Variants in VIPAS39 observed in about 807,000 individuals in gnomAD.
VIPAS39 encodes spermatogenesis-defective protein 39 homolog.
Under a neutral mutation model 84.7 loss-of-function variants are expected in VIPAS39, and 63 were observed. The observed-to-expected ratio is 0.74, with a 90% CI of 0.61 to 0.92. The LOEUF is 0.92. Ranked by LOEUF, VIPAS39 falls within the 40% of genes least tolerant of loss-of-function variation. The pLI, the probability that VIPAS39 is intolerant of heterozygous loss-of-function variation, is 0.00. For missense variants in VIPAS39, 499 were observed against 604.5 expected (o/e 0.83, Z 1.83); for synonymous variants, 192 against 216.5 (o/e 0.89, Z 0.99).
intron 5 of VIPAS39, 26 bp downstream of exon 5, chr14:77,449,688 C>A: frequency 6.2e-7 from 1 of 1,613,944 alleles, no homozygotes; most frequent in Non-Finnish European, 8.5e-7. Context: ...TTTCCCACAG[C>A]AATTAAAAGA....
chr14:77,427,543 A>C lies in VIPAS39; in HGVS notation c.*73T>G. On this transcript the variant is annotated 3_prime_UTR_variant, in exon 20 of 20. Transcript: ENST00000557658. ...AGCGATGTGATGCCGCAGCTCTCCCAAAGAAGAGCTCTCTCTGCTTTCACA... is the reference window on the plus strand; with the variant it reads ...AGCGATGTGATGCCGCAGCTCTCCCCAAGAAGAGCTCTCTCTGCTTTCACA... 2.5e-6 allele frequency: 4 copies of C among 1,589,380 alleles called. No individual in the cohort carries two copies. Among genetic ancestry groups the C allele is most frequent in the Non-Finnish European group, 3.5e-6 (4 of 1,157,566 alleles).
In VIPAS39 at chr14:77,435,223, TGA is replaced by T. The variant is rs1386511886; in HGVS notation, c.1047+34_1047+35del. 7.4e-6 allele frequency: 12 copies of T among 1,613,258 alleles called. No homozygotes were observed. In the African/African-American group the frequency reaches 8.0e-5, roughly 11 times the overall value. On this transcript the variant is annotated intron_variant, in intron 14 of 19. Transcript: ENST00000557658. The stretch of plus-strand genomic sequence containing the variant: ...TTTGAACTATCTTCTTTTTGTGCAA[TGA>T]GAGTTTGTGGAATCTTCCATATTTT...
intron 10 of VIPAS39, among the ~76,000 whole-genome samples, chr14:77,442,150 C>T (rs1251365465): frequency 2.6e-5 from 4 of 152,182 alleles, no homozygotes; most frequent in Admixed American, 6.5e-5. Context: ...TAAGAAAACA[C>T]TTAATAAATA....
chr14:77,429,617 G>A, intron 17 of VIPAS39, 64 bp downstream of exon 17: 1 of 1,534,298 alleles, frequency 6.5e-7, no homozygotes, highest in Non-Finnish European at 9.0e-7. Context: ...TCACTGACCA[G>A]TAAGAGGCTT....
Position 77,435,316 on chromosome 14 carries a change from G to A in VIPAS39, c.990C>T (p.Asn330=), listed in dbSNP as rs980487031. 4 of 1,613,602 alleles carry A rather than the reference G, an allele frequency of 2.5e-6. No individual in the cohort carries two copies. Among genetic ancestry groups the A allele is most frequent in the Non-Finnish European group, 3.4e-6 (4 of 1,179,918 alleles). The change falls in exon 14 of 20, where the codon AAC becomes AAT. Residue 330 remains asparagine, a synonymous_variant. Transcript: ENST00000557658. ...RKHPRKASIL[N]MPLVTTLFYS... is the part of the protein sequence containing the mutation. ...AGAAAAGTGTTGTCACTAGTGGCAT[G>A]TTGAGGATGGAGGCTTTGCGGGGGT...
chr14:77,456,471 G>C (rs1188832319), intron 1 of VIPAS39, among the ~76,000 whole-genome samples: 3 of 152,178 alleles, frequency 2.0e-5, no homozygotes, highest in East Asian at 1.9e-4. Context: ...TTGATCCTCA[G>C]AACAATCTTG....
chr14:77,437,136 G>A (rs567067432), intron 12 of VIPAS39, among the ~76,000 whole-genome samples: 3 of 152,174 alleles, frequency 2.0e-5, no homozygotes, highest in Non-Finnish European at 4.4e-5. Flanking sequence ...ATGAGGAATG[G>A]TTGAAACAAC....
Position 77,457,490 on chromosome 14 carries a change from C to A in VIPAS39, c.-1+5G>T, listed in dbSNP as rs1228758505. 2 of 1,208,028 alleles carry A rather than the reference C, an allele frequency of 1.7e-6. No individual in the cohort carries two copies. The highest frequency in any genetic ancestry group is 3.0e-5 in the African/African-American group (2 of 66,428). The allele number at this position is 1,208,028 out of a possible 1,614,324, so 74.8% of individuals were successfully genotyped here. A position where few individuals can be genotyped will look rare whatever the true frequency, so the allele number is the denominator to read the frequency against. ...CGCGACCCAAGGGGCTTGGGACACC[C>A]TCACCTCTTCCGCACAGAGCCCTCC... On this transcript the variant is annotated splice_donor_5th_base_variant and intron_variant, in intron 1 of 19. Coordinates refer to ENST00000557658, the MANE Select transcript of VIPAS39 (RefSeq NM_001193315.2).
At chr14:77,434,034 G>A in intron 15 of VIPAS39, 103 bp from the exon 16 acceptor site, 1 of 1,373,432 alleles carries the variant, frequency 7.3e-7, no homozygotes, top group Non-Finnish European at 1.0e-6. Context: ...TCCTGATATT[G>A]ACTCTGCCCC....
rs371695266 is a variant in VIPAS39, at chr14:77,447,631, A to C, written c.504+863T>G. On this transcript the variant is annotated intron_variant, in intron 7 of 19. Transcript: ENST00000557658. ...TATGCAAAAATGAACTCAATGAATC[A>C]CAGATCTAACATAAAAGATTGTTCT... Among the ~76,000 whole-genome samples, 51 of 152,320 alleles carry C rather than the reference A, an allele frequency of 3.3e-4. 2 individuals are homozygous for C. The East Asian group carries it at 5.6e-3, about 17-fold the overall frequency.
intron 12 of VIPAS39, 130 bp downstream of exon 12, chr14:77,437,678 C>T: frequency 2.1e-6 from 2 of 951,010 alleles, no homozygotes; most frequent in East Asian, 2.5e-5. Context: ...ATGAGGTGAC[C>T]CTGAATGATG....
In VIPAS39 at chr14:77,426,882, TAAAG is replaced by T. The variant is rs1044131784; in HGVS notation, c.*730_*733del. The T allele has an allele frequency of 1.3e-5, 2 of 152,178 alleles. No individual in the cohort carries two copies. Among genetic ancestry groups the T allele is most frequent in the Admixed American group, 1.3e-4 (2 of 15,270 alleles). The allele number at this position is 152,178 out of a possible 1,614,324, so 9.4% of individuals were successfully genotyped here. ...CTCCTGGTGAAATGAGATTTTTGCA[TAAAG>T]AGAGAGCTCTCCAGCACTGCTGCAT... On this transcript the variant is annotated 3_prime_UTR_variant, in exon 20 of 20. Coordinates refer to ENST00000557658, the MANE Select transcript of VIPAS39 (RefSeq NM_001193315.2).
At chr14:77,445,014 A>G (rs936428221) in intron 7 of VIPAS39, among the ~76,000 whole-genome samples, 1 of 150,542 alleles carries the variant, frequency 6.6e-6, no homozygotes, top group Non-Finnish European at 1.5e-5. Context: ...GTTGGAGTGC[A>G]GTGGCGCAAT....
rs1469975907 is a variant in VIPAS39 at position 77,429,579 on chromosome 14, G to C, written c.1266+102C>G. The C allele has an allele frequency of 4.5e-5, 56 of 1,237,468 alleles. No homozygotes were observed. The Admixed American group carries it at 9.4e-4, about 21-fold the overall frequency. The allele number at this position is 1,237,468 out of a possible 1,614,324, so 76.7% of individuals were successfully genotyped here. ...TTGCAGCCATTGTGCTGCCTTTAAG[G>C]GAAAACAAGAGCAGATCGGGTCTCC... On this transcript the variant is annotated intron_variant, in intron 17 of 19. Coordinates refer to ENST00000557658, the MANE Select transcript of VIPAS39 (RefSeq NM_001193315.2).
At chr14:77,428,509 C>T (rs113067724) in intron 18 of VIPAS39, 35 bp from the exon 19 acceptor site, 7 of 1,599,104 alleles carry the variant, frequency 4.4e-6, no homozygotes, top group Non-Finnish European at 5.1e-6. Flanking sequence ...AACCTCCAAT[C>T]AGCCTCTGTA....
chr14:77,429,531 G>A, intron 17 of VIPAS39, 150 bp downstream of exon 17: 4 of 830,370 alleles, frequency 4.8e-6, no homozygotes, highest in Non-Finnish European at 8.3e-6. Flanking sequence ...TTCACTCCCT[G>A]GCCTTTTCTG....
rs2078847106 is a variant in VIPAS39 at position 77,449,361 on chromosome 14, A to T, written c.383-4T>A. On this transcript the variant is annotated splice_region_variant and splice_polypyrimidine_tract_variant and intron_variant, in intron 5 of 19. Transcript: ENST00000557658. ...TTGGCAGGTGTGTCTGACAGAGCTGAAAAAGAATAAGCAGCTGGTTCAGAA... is the reference window on the plus strand; with the variant it reads ...TTGGCAGGTGTGTCTGACAGAGCTGTAAAAGAATAAGCAGCTGGTTCAGAA... 6.2e-7 allele frequency: 1 copy of T among 1,614,142 alleles called. No individual in the cohort carries two copies. The highest frequency in any genetic ancestry group is 8.5e-7 in the Non-Finnish European group (1 of 1,180,002).
intron 1 of VIPAS39, among the ~76,000 whole-genome samples, chr14:77,456,645 T>C (rs2078965189): frequency 6.6e-6 from 1 of 152,238 alleles, no homozygotes; most frequent in Non-Finnish European, 1.5e-5. Flanking sequence ...TCCTTCTACC[T>C]ATTTTTCACT....
intron 2 of VIPAS39, 98 bp downstream of exon 2, chr14:77,453,912 G>T: frequency 1.8e-6 from 2 of 1,098,370 alleles, no homozygotes; most frequent in African/African-American, 1.5e-5. Context: ...GCCTAATGAA[G>T]ACATACATGG....
Sources: allele counts gnomAD v4.1 joint callset (sites outside exome capture counted in the v4.1 genomes callset), GRCh38; gene constraint gnomAD v4.1.1; transcripts MANE v1.5; gene names NCBI Gene and HGNC (gene_info 2026-07-23, HGNC 2026-07-21).